The following ZBED6 variants were observed in gnomAD, a reference collection of about 807,000 sequenced individuals.
ZBED6 encodes the protein zinc finger BED-type containing 6.
Under a neutral mutation model 58.4 loss-of-function variants are expected in ZBED6, and 40 were observed. The ratio of observed to expected loss-of-function variants is 0.68; its 90% CI spans 0.53 to 0.89. The LOEUF is 0.89. Among genes scored for constraint, ZBED6 ranks in the 40% least tolerant of loss-of-function variants. ZBED6 has a pLI of 0.00. For missense variants in ZBED6, 1,057 were observed against 1,003.9 expected, an observed-to-expected ratio of 1.05 and a Z score of -0.71; for synonymous variants, 439 against 350.6, an observed-to-expected ratio of 1.25 and a Z score of -2.82.
At chr1:203,850,703 TG>T in intron 15 of ZBED6, 22 bp downstream of exon 15, 1 of 1,607,972 alleles carries the variant, frequency 6.2e-7, no homozygotes. Flanking sequence ...ATTCACTTTG[TG>T]GTGCTTTATT....
chr1:203,835,492 A>G (rs1684019417), intron 9 of ZBED6: 1 of 156,978 alleles, frequency 6.4e-6, no homozygotes, highest in Non-Finnish European at 1.4e-5. Context: ...AAACAATAAC[A>G]GTTCTAGATT....
intron 11 of ZBED6, among the ~76,000 whole-genome samples, chr1:203,842,031 C>T (rs1244635159): frequency 6.6e-6 from 1 of 151,312 alleles, no homozygotes; most frequent in Non-Finnish European, 1.5e-5. Flanking sequence ...CTCCCCACAT[C>T]TCAGACGATG....
chr1:203,840,899 C>T (rs1364662547), intron 11 of ZBED6, among the ~76,000 whole-genome samples: 1 of 152,000 alleles, frequency 6.6e-6, no homozygotes, highest in Non-Finnish European at 1.5e-5. Flanking sequence ...CTCCCAAAAT[C>T]CTGGGATTAC....
At position 203,833,872 on chromosome 1, in the gene ZBED6, A is replaced by G. The variant is rs199845115; in HGVS notation, c.*3573+19A>G. On this transcript the variant is annotated intron_variant, in intron 9 of 16. Coordinates refer to ENST00000550078, the Ensembl canonical transcript of ZBED6. ...TCAGCAGGTAAGATAAGTTTTGTGT[A>G]TATCTTTTCTTTTCTACTTGTTTGT... 469 of 1,598,872 alleles carry G rather than the reference A, an allele frequency of 2.9e-4. No individual in the cohort carries two copies. Among genetic ancestry groups the G allele is most frequent in the Middle Eastern group, 1.8e-3 (11 of 6,026 alleles).
rs1553268924 is a variant in ZBED6, at chr1:203,841,156, T to TTA, written c.*3741+782_*3741+783insTA. Among the ~76,000 whole-genome samples, 9 of 144,140 alleles carry TTA rather than the reference T, an allele frequency of 6.2e-5. No homozygotes were observed. The South Asian group carries it at 6.4e-4, about 10-fold the overall frequency. The allele number at this position is 144,140 out of a possible 152,430, so 94.6% of individuals were successfully genotyped here. On this transcript the variant is annotated intron_variant, in intron 11 of 16. Transcript: ENST00000550078. ...AACATAAGAATCTTTTTTTTTTTTT[T>TTA]ATTTTTTTTTTTAGTATTTATTGAT... is the stretch of plus-strand genomic sequence containing the variant.
chr1:203,836,431 TAAAC>T (rs1684348642), intron 9 of ZBED6, among the ~76,000 whole-genome samples: 1 of 152,198 alleles, frequency 6.6e-6, no homozygotes, highest in Admixed American at 6.5e-5. Context: ...TGGTGACTTT[TAAAC>T]AACTTGTATT....
intron 10 of ZBED6, among the ~76,000 whole-genome samples, chr1:203,839,878 A>G (rs1685536815): frequency 6.6e-6 from 1 of 151,972 alleles, no homozygotes; most frequent in African/African-American, 2.4e-5. Flanking sequence ...ATCTCAGCTC[A>G]CCCCAACCTC....
chr1:203,805,911 C>T, intron 1 of ZBED6: 2 of 678,836 alleles, frequency 2.9e-6, no homozygotes, highest in Non-Finnish European at 5.6e-6. Context: ...TTTTCACTTG[C>T]TTGTCTACCT....
chr1:203,827,681 CAA>C (rs77923419), intron 3 of ZBED6, among the ~76,000 whole-genome samples: 22 of 86,174 alleles, frequency 2.6e-4, no homozygotes, highest in Admixed American at 2.4e-4. Context: ...GACTCTGTCT[CAA>C]AAAAAAAAAA....
At chr1:203,835,486 A>G (rs925334145) in intron 9 of ZBED6, 1 of 156,528 alleles carries the variant, frequency 6.4e-6, no homozygotes, top group African/African-American at 2.4e-5. Context: ...ATCAAGAAAC[A>G]ATAACAGTTC....
At chr1:203,821,244 C>G (rs1678573222) in intron 3 of ZBED6, among the ~76,000 whole-genome samples, 1 of 152,184 alleles carries the variant, frequency 6.6e-6, no homozygotes, top group African/African-American at 2.4e-5. Context: ...GCGTCCTGTT[C>G]ACCTCCTGCC....
chr1:203,807,694 T>A (rs1250755597), intron 1 of ZBED6, among the ~76,000 whole-genome samples: 1 of 151,680 alleles, frequency 6.6e-6, no homozygotes, highest in Non-Finnish European at 1.5e-5. Flanking sequence ...CCCAGCTAAA[T>A]TTTTTTTTCT....
chr1:203,818,713 A>G (rs1345433331), intron 3 of ZBED6, 24 bp downstream of exon 3: 5 of 1,613,766 alleles, frequency 3.1e-6, no homozygotes, highest in Non-Finnish European at 4.2e-6. Context: ...TTCCGTTATC[A>G]TAATAAGTAG....
chr1:203,830,474 A>G (rs983446575), intron 7 of ZBED6, among the ~76,000 whole-genome samples: 15 of 152,238 alleles, frequency 9.9e-5, no homozygotes, highest in African/African-American at 3.4e-4. Flanking sequence ...TATAAGAACT[A>G]TATTAATTCT....
exon 1 of ZBED6, chr1:203,798,071 T>A: frequency 1.3e-6 from 2 of 1,536,138 alleles, no homozygotes; most frequent in Non-Finnish European, 1.7e-6. Context: ...ATTCACCTCA[T>A]TGGACCAGGG....
At chr1:203,815,379 CTTTTTTTTTT>C (rs397711285) in intron 1 of ZBED6, among the ~76,000 whole-genome samples, 2 of 96,914 alleles carry the variant, frequency 2.1e-5, no homozygotes, top group African/African-American at 4.2e-5. Flanking sequence ...CCACACCCAG[CTTTTTTTTTT>C]TTTTTTTTTT....
chr1:203,841,170 G>A (rs1686054459), intron 11 of ZBED6, among the ~76,000 whole-genome samples: 1 of 136,468 alleles, frequency 7.3e-6, no homozygotes, highest in Non-Finnish European at 1.6e-5. Flanking sequence ...TTTTTTTTTA[G>A]TATTTATTGA....
exon 5 of ZBED6, chr1:203,829,564 G>C: frequency 6.2e-7 from 1 of 1,614,028 alleles, no homozygotes; most frequent in African/African-American, 1.3e-5. Context: ...GCTGCGGAGC[G>C]TTATGAAAGT....
chr1:203,810,225 C>G (rs917701631), intron 1 of ZBED6, among the ~76,000 whole-genome samples: 1 of 151,680 alleles, frequency 6.6e-6, no homozygotes, highest in South Asian at 2.1e-4. Context: ...ATCCTCTTGC[C>G]TTGGTCTCTC....
Sources: gnomAD v4.1 joint callset for allele counts (sites outside exome capture counted in the v4.1 genomes callset) on GRCh38, gnomAD v4.1.1 for gene constraint, MANE v1.5 for transcripts, NCBI Gene and HGNC (gene_info 2026-07-23, HGNC 2026-07-21) for gene names.